HOMER2: variants seen among roughly 807,000 people sequenced by gnomAD.
HOMER2 encodes the protein homer scaffold protein 2, also known as homer protein homolog 2.
HOMER2 carries 27 observed loss-of-function variants against 47.0 expected under a neutral mutation model. The ratio of observed to expected loss-of-function variants is 0.57; its 90% confidence interval spans 0.42 to 0.79. HOMER2 has a LOEUF of 0.79. HOMER2 is among the 30% of genes least tolerant of loss of function. HOMER2 has a pLI of 0.00. For missense variants in HOMER2, 443 were observed against 435.0 expected (o/e 1.02, Z -0.16); for synonymous variants, 161 against 163.8 (o/e 0.98, Z 0.13).
chr15:82,862,119 T>C (rs887698149), intron 4 of HOMER2, among the ~76,000 whole-genome samples: 6 of 151,484 alleles, frequency 4.0e-5, no homozygotes, highest in Middle Eastern at 3.2e-3. Context: ...CCCAGGCTGG[T>C]CTCGAACTCA....
At chr15:82,942,997 A>C (rs908452686) in intron 1 of HOMER2, among the ~76,000 whole-genome samples, 2 of 152,160 alleles carry the variant, frequency 1.3e-5, no homozygotes, top group African/African-American at 4.8e-5. Context: ...GAGAGTGCCC[A>C]AGGGGATTAA....
At position 82,895,667 on chromosome 15, in the gene HOMER2, G is replaced by A. The variant is rs1426095903; in HGVS notation, c.6-2826C>T. On this transcript the variant is annotated intron_variant, in intron 1 of 8. Coordinates refer to ENST00000450735, the MANE Select transcript of HOMER2 (RefSeq NM_004839.4). ...AAATGGGCTGGGCTGGGGGCCCACG[G>A]GTTAGAGAAGGCCTTTCTGGGAAGG... 2.6e-5 allele frequency among the ~76,000 whole-genome samples: 4 copies of A among 152,288 alleles called. No individual in the cohort carries two copies. In the East Asian group the frequency reaches 5.8e-4, roughly 22 times the overall value.
chr15:82,943,699 T>C (rs775021132), intron 1 of HOMER2, among the ~76,000 whole-genome samples: 1 of 152,198 alleles, frequency 6.6e-6, no homozygotes. Context: ...GCCCACCCCA[T>C]AACCCACAGA....
chr15:82,882,710 G>A (rs940546362), intron 2 of HOMER2, among the ~76,000 whole-genome samples: 2 of 152,170 alleles, frequency 1.3e-5, no homozygotes, highest in East Asian at 1.9e-4. Context: ...TGCTTGGACA[G>A]GGCAGAGGAG....
chr15:82,922,205 C>G (rs1462790595), intron 1 of HOMER2, among the ~76,000 whole-genome samples: 1 of 152,174 alleles, frequency 6.6e-6, no homozygotes, highest in Admixed American at 6.5e-5. Context: ...AGCACCACTG[C>G]CCCTGACACA....
At chr15:82,940,164 A>C (rs1350586386) in intron 1 of HOMER2, among the ~76,000 whole-genome samples, 3 of 152,006 alleles carry the variant, frequency 2.0e-5, no homozygotes, top group African/African-American at 4.8e-5. Flanking sequence ...ACATGTATAC[A>C]TATGTAACAA....
chr15:82,938,573 C>G (rs116796610), intron 1 of HOMER2, among the ~76,000 whole-genome samples: 47 of 152,250 alleles, frequency 3.1e-4, no homozygotes, highest in African/African-American at 1.1e-3. Flanking sequence ...CTTTTCTTTA[C>G]CCTCAGACTC....
chr15:82,865,471 T>C (rs1371443644), intron 3 of HOMER2, among the ~76,000 whole-genome samples: 4 of 152,140 alleles, frequency 2.6e-5, no homozygotes. Context: ...CCCTGTCCAC[T>C]TTAGGAAAAA....
At chr15:82,978,389 G>A (rs1005814011) in intron 1 of HOMER2, among the ~76,000 whole-genome samples, 4 of 152,070 alleles carry the variant, frequency 2.6e-5, no homozygotes, top group South Asian at 2.1e-4. Context: ...AGAATAATCC[G>A]TTCTACTTGG....
At chr15:82,903,997 C>T (rs1277585861) in intron 1 of HOMER2, among the ~76,000 whole-genome samples, 3 of 152,092 alleles carry the variant, frequency 2.0e-5, no homozygotes, top group Non-Finnish European at 2.9e-5. Flanking sequence ...ATTAGCCTGG[C>T]GTGGTGGCCC....
chr15:82,973,668 C>T (rs1333784421), intron 1 of HOMER2, among the ~76,000 whole-genome samples: 2 of 152,188 alleles, frequency 1.3e-5, no homozygotes, highest in African/African-American at 2.4e-5. Flanking sequence ...CTATAGAAAA[C>T]ACATCATAGT....
intron 1 of HOMER2, among the ~76,000 whole-genome samples, chr15:82,965,520 C>G (rs748963248): frequency 6.6e-5 from 10 of 152,098 alleles, no homozygotes; most frequent in Admixed American, 6.6e-4. Context: ...ATAAAAATCA[C>G]TTATTGGGGT....
intron 5 of HOMER2, among the ~76,000 whole-genome samples, chr15:82,858,468 A>G (rs1567016965): frequency 6.6e-6 from 1 of 151,892 alleles, no homozygotes; most frequent in Non-Finnish European, 1.5e-5. Flanking sequence ...AGTTTTTAAA[A>G]TATTTTTTCT....
At chr15:82,960,075 A>C (rs917518357) in intron 1 of HOMER2, among the ~76,000 whole-genome samples, 2 of 152,180 alleles carry the variant, frequency 1.3e-5, no homozygotes, top group East Asian at 3.8e-4. Context: ...CAGATGGGTG[A>C]GGCTGGAATT....
At chr15:82,957,960 C>T (rs1213810252), downstream of HOMER2, among the ~76,000 whole-genome samples, 1 of 152,214 alleles carries the variant, frequency 6.6e-6, no homozygotes, top group African/African-American at 2.4e-5. Flanking sequence ...GCCTCAGCCT[C>T]CCAAGTAGCT....
At chr15:82,902,850 A>C (rs1186921341) in intron 1 of HOMER2, among the ~76,000 whole-genome samples, 1 of 152,012 alleles carries the variant, frequency 6.6e-6, no homozygotes, top group African/African-American at 2.4e-5. Context: ...CTACTTACAT[A>C]CTTTGTTCTT....
downstream of HOMER2, among the ~76,000 whole-genome samples, chr15:82,848,021 T>G (rs1202551207): frequency 7.2e-5 from 11 of 152,190 alleles, 1 homozygote. Flanking sequence ...AAAAGCCCTA[T>G]GTACTCAACC....
chr15:82,956,333 G>A (rs530918431), upstream of HOMER2, among the ~76,000 whole-genome samples: 3 of 152,028 alleles, frequency 2.0e-5, no homozygotes, highest in East Asian at 3.9e-4. Flanking sequence ...AAACTGCAAC[G>A]GCCCTGAGGT....
chr15:82,849,937 C>G, intron 8 of HOMER2, 34 bp from the exon 9 acceptor site: 1 of 1,600,058 alleles, frequency 6.2e-7, no homozygotes, highest in Non-Finnish European at 8.5e-7. Flanking sequence ...GTCTAGAAAA[C>G]TGAGTGACGA....
Sources: gnomAD v4.1 joint callset for allele counts (sites outside exome capture counted in the v4.1 genomes callset) on GRCh38, gnomAD v4.1.1 for gene constraint, MANE v1.5 for transcripts, NCBI Gene and HGNC (gene_info 2026-07-23, HGNC 2026-07-21) for gene names.